Variants in ANXA5 observed in about 807,000 individuals in gnomAD.
ANXA5 encodes the protein annexin A5, also known as CBP-I.
Under a neutral mutation model 48.1 loss-of-function variants are expected in ANXA5, and 40 were observed. The observed-to-expected ratio is 0.83, with a 90% CI of 0.65 to 1.08. The LOEUF (loss-of-function observed/expected upper bound fraction) is 1.08, where lower values mean the gene tolerates loss of function less well. Ranked by LOEUF, ANXA5 falls within the 50% of genes least tolerant of loss-of-function variation. The pLI, the probability that ANXA5 is intolerant of heterozygous loss-of-function variation, is 0.00. For synonymous variants in ANXA5, 113 were observed against 129.1 expected (o/e 0.88, Z 0.85); for missense variants, 357 against 376.8 (o/e 0.95, Z 0.44).
At chr4:121,691,423 G>A (rs575944482) in intron 2 of ANXA5, among the ~76,000 whole-genome samples, 4 of 152,158 alleles carry the variant, frequency 2.6e-5, no homozygotes, top group Admixed American at 2.0e-4. Flanking sequence ...TTAAAGATGA[G>A]AAAGTATTCA....
intron 2 of ANXA5, among the ~76,000 whole-genome samples, 183 bp from the exon 3 acceptor site, chr4:121,686,555 G>A (rs113194440): frequency 2.6e-5 from 4 of 152,152 alleles, no homozygotes; most frequent in African/African-American, 4.8e-5. Flanking sequence ...TGGCATGGCC[G>A]ATTCAGCACA....
chr4:121,675,827 C>A (rs954250260), intron 8 of ANXA5, among the ~76,000 whole-genome samples: 1 of 152,198 alleles, frequency 6.6e-6, no homozygotes, highest in Non-Finnish European at 1.5e-5. Context: ...GTCCCAGGTG[C>A]GCCACATGCC....
At position 121,679,757 on chromosome 4, in the gene ANXA5, G is replaced by A. The variant is rs1041313972; in HGVS notation, c.395-1263C>T. Reference sequence around the variant, plus strand: ...TTCCCAGCTTTATTGAGTTATGATGGACAAATAAAAATTGTATATATTTAA... The same window carrying A: ...TTCCCAGCTTTATTGAGTTATGATGAACAAATAAAAATTGTATATATTTAA... On this transcript the variant is annotated intron_variant, in intron 6 of 12. Coordinates refer to ENST00000296511, the MANE Select transcript of ANXA5 (RefSeq NM_001154.4). Among the ~76,000 whole-genome samples the A allele has an allele frequency of 1.9e-4, 29 of 151,912 alleles. 1 individual carries two copies. The highest frequency in any genetic ancestry group is 8.8e-5 in the Non-Finnish European group (6 of 68,004).
In ANXA5 at chr4:121,691,541, T is replaced by C. The variant is rs76498875; in HGVS notation, c.9+5040A>G. On this transcript the variant is annotated intron_variant, in intron 2 of 12. Coordinates refer to ENST00000296511, the MANE Select transcript of ANXA5 (RefSeq NM_001154.4). ...CAATATTTACTCAAATACCGCACCC[T>C]CCCCCCACCTCCAGCATTCCACGTA... Among the ~76,000 whole-genome samples the C allele has an allele frequency of 9.6e-3, 502 of 52,362 alleles. 3 individuals carry two copies. In the East Asian group the frequency reaches 0.29, roughly 30 times the overall value. 34.4% of individuals were successfully genotyped at this position (52,362 alleles called of 152,430 possible). A position where few individuals can be genotyped will look rare whatever the true frequency, so the allele number is the denominator to read the frequency against.
At chr4:121,685,032 A>ATG (rs1356242826) in intron 3 of ANXA5, among the ~76,000 whole-genome samples, 4 of 123,264 alleles carry the variant, frequency 3.2e-5, no homozygotes, top group Admixed American at 8.3e-5. Context: ...AAAAAAAAAT[A>ATG]TGTATATATA....
chr4:121,683,445 A>T lies in ANXA5; in HGVS notation c.222T>A (p.Thr74=), dbSNP rs1333270884. 1 of 1,611,220 alleles carries T rather than the reference A, an allele frequency of 6.2e-7. No individual in the cohort carries two copies. The highest frequency in any genetic ancestry group is 1.7e-5 in the Admixed American group (1 of 59,836). ...CCACAATTAATTTTTCAAATTTTCC[A>T]GTTAGTTCTGATTTCAGGTCATCCA... ...DLLDDLKSEL[T]GKFEKLIVAL... is the part of the protein sequence containing the mutation. Residue 74 remains threonine, a synonymous_variant, in exon 5 of 13, where the codon ACT becomes ACA. Coordinates refer to ENST00000296511, the MANE Select transcript of ANXA5 (RefSeq NM_001154.4).
chr4:121,694,641 C>G (rs971237887), intron 2 of ANXA5, among the ~76,000 whole-genome samples: 1 of 152,134 alleles, frequency 6.6e-6, no homozygotes, highest in Non-Finnish European at 1.5e-5. Flanking sequence ...CCTCAGCCTC[C>G]CAAAGTGCTA....
chr4:121,675,960 A>G (rs1010058884), intron 8 of ANXA5, among the ~76,000 whole-genome samples: 2 of 152,228 alleles, frequency 1.3e-5, no homozygotes, highest in Admixed American at 1.3e-4. Context: ...CTCTCATTAC[A>G]TCACCAACTA....
intron 2 of ANXA5, among the ~76,000 whole-genome samples, chr4:121,691,931 T>C (rs1260068695): frequency 6.6e-6 from 1 of 152,142 alleles, no homozygotes; most frequent in East Asian, 1.9e-4. Flanking sequence ...GGGAAAAAAT[T>C]AGGACCTCCA....
At chr4:121,685,774 A>G (rs1724876530) in intron 3 of ANXA5, among the ~76,000 whole-genome samples, 1 of 152,218 alleles carries the variant, frequency 6.6e-6, no homozygotes, top group Non-Finnish European at 1.5e-5. Context: ...TTGGGAACAG[A>G]GCTGCACAGC....
chr4:121,670,872 G>A (rs1314357030), intron 10 of ANXA5, among the ~76,000 whole-genome samples: 1 of 152,122 alleles, frequency 6.6e-6, no homozygotes, highest in African/African-American at 2.4e-5. Flanking sequence ...CCTGAAGACA[G>A]AGAGCACAAA....
chr4:121,673,889 T>C (rs919657055), intron 8 of ANXA5, among the ~76,000 whole-genome samples: 5 of 151,526 alleles, frequency 3.3e-5, no homozygotes, highest in Admixed American at 1.3e-4. Context: ...AATAAGAAAA[T>C]AGAAGTTGCA....
chr4:121,679,985 C>A (rs1419791400), intron 6 of ANXA5, among the ~76,000 whole-genome samples: 1 of 152,160 alleles, frequency 6.6e-6, no homozygotes, highest in African/African-American at 2.4e-5. Context: ...ATCCCCAGAA[C>A]TTATTCATCC....
chr4:121,692,969 C>T (rs1450457725), intron 2 of ANXA5, among the ~76,000 whole-genome samples: 1 of 152,260 alleles, frequency 6.6e-6, no homozygotes, highest in African/African-American at 2.4e-5. Flanking sequence ...CGCAGTGGCT[C>T]ATGCCTGTAA....
intron 10 of ANXA5, among the ~76,000 whole-genome samples, chr4:121,670,626 C>A (rs1164294954): frequency 6.6e-6 from 1 of 152,146 alleles, no homozygotes; most frequent in Non-Finnish European, 1.5e-5. Flanking sequence ...TTCAGAAAAT[C>A]TATCATGAAA....
At chr4:121,687,223 C>T (rs1724907995) in intron 2 of ANXA5, among the ~76,000 whole-genome samples, 1 of 150,886 alleles carries the variant, frequency 6.6e-6, no homozygotes, top group South Asian at 2.1e-4. Flanking sequence ...TGGTGTGAAC[C>T]TGGGAGGCGG....
intron 4 of ANXA5, 50 bp downstream of exon 4, chr4:121,684,627 T>A: frequency 6.7e-7 from 1 of 1,482,666 alleles, no homozygotes; most frequent in Non-Finnish European, 9.4e-7. Flanking sequence ...ACTAGTCTTA[T>A]AACTGATAGC....
intron 2 of ANXA5, among the ~76,000 whole-genome samples, chr4:121,694,446 G>A (rs892136071): frequency 2.6e-5 from 4 of 152,082 alleles, no homozygotes; most frequent in African/African-American, 9.6e-5. Flanking sequence ...GTGCAGCAGC[G>A]CGATCTCAGC....
intron 8 of ANXA5, among the ~76,000 whole-genome samples, chr4:121,673,345 C>T (rs1256680451): frequency 1.3e-5 from 2 of 152,158 alleles, no homozygotes; most frequent in Non-Finnish European, 2.9e-5. Flanking sequence ...CACTTATTGA[C>T]GTGAGAATAA....
Sources: allele counts gnomAD v4.1 joint callset (sites outside exome capture counted in the v4.1 genomes callset), GRCh38; gene constraint gnomAD v4.1.1; transcripts MANE v1.5; gene names NCBI Gene and HGNC (gene_info 2026-07-23, HGNC 2026-07-21).